SCOC: variants seen among roughly 807,000 people sequenced by gnomAD.
SCOC encodes the protein short coiled-coil protein.
In SCOC, 7 loss-of-function variants were observed where a neutral mutation model predicts 9.9. That is an observed-to-expected ratio of 0.71 (90% CI 0.40 to 1.33). The LOEUF is 1.33. SCOC is among the 40% of genes most tolerant of loss of function. SCOC has a pLI of 0.01. For synonymous variants in SCOC, 19 were observed against 28.2 expected (o/e 0.67, Z 1.03); for missense variants, 66 against 89.7 (o/e 0.74, Z 1.07).
rs141080284 is a variant in SCOC, at chr4:140,297,946, G to A, written c.-19+40536G>A. 7.4e-3 allele frequency among the ~76,000 whole-genome samples: 1,129 copies of A among 152,220 alleles called. 4 individuals carry two copies. The highest frequency in any genetic ancestry group is 0.012 in the African/African-American group (486 of 41,538). On this transcript the variant is annotated intron_variant, in intron 1 of 4. Transcript: ENST00000394205. ...AGATGTGTCTGAAACATAATTCTTT[G>A]TTTCCCTTTCTTTCTTTTTAAGCCT...
At chr4:140,319,602 C>T (rs572894744) in intron 1 of SCOC, among the ~76,000 whole-genome samples, 4 of 152,008 alleles carry the variant, frequency 2.6e-5, no homozygotes, top group African/African-American at 9.7e-5. Flanking sequence ...CAAATATACA[C>T]AGAAAGATGG....
At chr4:140,339,653 C>T (rs1726425888), upstream of SCOC, among the ~76,000 whole-genome samples, 1 of 152,176 alleles carries the variant, frequency 6.6e-6, no homozygotes, top group Admixed American at 6.5e-5. Flanking sequence ...TATGAACAGA[C>T]ACTTCTCAAA....
At chr4:140,286,032 A>G (rs920583241) in intron 1 of SCOC, among the ~76,000 whole-genome samples, 11 of 152,030 alleles carry the variant, frequency 7.2e-5, no homozygotes, top group African/African-American at 2.7e-4. Flanking sequence ...TAAAAATACA[A>G]AAATTAGCCG....
At chr4:140,373,317 A>G (rs1216868221), upstream of SCOC, 32 of 1,394,314 alleles carry the variant, frequency 2.3e-5, no homozygotes, top group Middle Eastern at 2.7e-4. Context: ...CTGATTTTCC[A>G]CACTGGGATT....
At chr4:140,377,200 C>T (rs1410536375) in intron 1 of SCOC, among the ~76,000 whole-genome samples, 1 of 152,166 alleles carries the variant, frequency 6.6e-6, no homozygotes, top group Non-Finnish European at 1.5e-5. Context: ...AGGTGTGCTT[C>T]TCTGTCAGGG....
At chr4:140,257,441 C>T (rs558375105) in intron 1 of SCOC, 2 of 152,126 alleles carry the variant, frequency 1.3e-5, no homozygotes, top group Non-Finnish European at 2.9e-5. Flanking sequence ...TAGCTGGGCA[C>T]AGGCTTTGTT....
intron 1 of SCOC, among the ~76,000 whole-genome samples, chr4:140,330,417 T>C (rs1732783875): frequency 6.6e-6 from 1 of 152,116 alleles, no homozygotes; most frequent in Non-Finnish European, 1.5e-5. Flanking sequence ...AAAGACCTAC[T>C]GAAATAAAAA....
intron 2 of SCOC, among the ~76,000 whole-genome samples, chr4:140,362,301 T>TCTTCTTCTTCTTCTTCTACTTCTTCTTC: frequency 3.4e-5 from 1 of 29,410 alleles, no homozygotes; most frequent in Non-Finnish European, 7.4e-5. Context: ...TTCTTCTTCT[T>TCTTCTTCTTCTTCTTCTACTTCTTCTTC]TTTTTTTTTT....
intron 1 of SCOC, among the ~76,000 whole-genome samples, chr4:140,296,419 C>T (rs765990506): frequency 1.3e-5 from 2 of 152,098 alleles, no homozygotes; most frequent in African/African-American, 2.4e-5. Flanking sequence ...GAATAAGAAC[C>T]GTGCAAAACA....
intron 1 of SCOC, among the ~76,000 whole-genome samples, chr4:140,374,987 G>A (rs1298552156): frequency 6.6e-6 from 1 of 152,230 alleles, no homozygotes; most frequent in Non-Finnish European, 1.5e-5. Flanking sequence ...TCTCCAGTAT[G>A]ACAGATGGTG....
chr4:140,345,431 G>T (rs1395640980), intron 2 of SCOC, among the ~76,000 whole-genome samples: 1 of 152,196 alleles, frequency 6.6e-6, no homozygotes, highest in East Asian at 1.9e-4. Context: ...TATTTGTGAT[G>T]AAAATGTGCC....
chr4:140,365,708 A>G (rs971052324), intron 2 of SCOC, among the ~76,000 whole-genome samples: 4 of 152,186 alleles, frequency 2.6e-5, no homozygotes, highest in Admixed American at 6.5e-5. Flanking sequence ...AATGAAGAAG[A>G]TGAAGACTTT....
intron 1 of SCOC, among the ~76,000 whole-genome samples, chr4:140,269,056 T>C (rs1415156441): frequency 6.6e-6 from 1 of 152,094 alleles, no homozygotes; most frequent in Non-Finnish European, 1.5e-5. Flanking sequence ...GAGGATTCAA[T>C]ATCAAAAGTT....
chr4:140,293,104 A>G (rs1731523221), intron 1 of SCOC, among the ~76,000 whole-genome samples: 1 of 152,168 alleles, frequency 6.6e-6, no homozygotes, highest in Non-Finnish European at 1.5e-5. Context: ...AGCAAACTCC[A>G]CTGTACGTGT....
chr4:140,274,860 T>C (rs1730945504), intron 1 of SCOC, among the ~76,000 whole-genome samples: 1 of 152,232 alleles, frequency 6.6e-6, no homozygotes, highest in Non-Finnish European at 1.5e-5. Flanking sequence ...CCTTAGCCTA[T>C]TTTTTCTTCT....
chr4:140,376,165 G>A (rs1427566191), intron 1 of SCOC, among the ~76,000 whole-genome samples: 1 of 151,974 alleles, frequency 6.6e-6, no homozygotes, highest in Non-Finnish European at 1.5e-5. Context: ...GGGCAGTTTG[G>A]GGATCAATAC....
At chr4:140,317,311 G>A (rs1732350920) in intron 1 of SCOC, among the ~76,000 whole-genome samples, 1 of 152,148 alleles carries the variant, frequency 6.6e-6, no homozygotes, top group African/African-American at 2.4e-5. Flanking sequence ...GAATCTACAG[G>A]CAGATAGCAC....
intron 1 of SCOC, among the ~76,000 whole-genome samples, chr4:140,295,326 T>C (rs1340210880): frequency 6.6e-6 from 1 of 151,846 alleles, no homozygotes. Flanking sequence ...GCCTGGACCA[T>C]GGGTTAAAAA....
chr4:140,288,559 T>C (rs1436363963), intron 1 of SCOC, among the ~76,000 whole-genome samples: 1 of 151,628 alleles, frequency 6.6e-6, no homozygotes. Context: ...ACCACAAACA[T>C]ATATACACAT....
Sources: allele counts gnomAD v4.1 joint callset (sites outside exome capture counted in the v4.1 genomes callset), GRCh38; gene constraint gnomAD v4.1.1; transcripts MANE v1.5; gene names NCBI Gene and HGNC (gene_info 2026-07-23, HGNC 2026-07-21).